SH3RF1: variants seen among roughly 807,000 people sequenced by gnomAD.
The protein encoded by SH3RF1 is E3 ubiquitin-protein ligase SH3RF1.
SH3RF1 carries 32 observed loss-of-function variants against 74.0 expected under a neutral mutation model. That is an observed-to-expected ratio of 0.43 (90% CI 0.33 to 0.58). SH3RF1 has a LOEUF of 0.58. Among genes scored for constraint, SH3RF1 ranks in the 20% least tolerant of loss-of-function variants. The pLI, the probability that SH3RF1 is intolerant of heterozygous loss-of-function variation, is 0.05. For synonymous variants in SH3RF1, 396 were observed against 439.6 expected (o/e 0.90, Z 1.24); for missense variants, 954 against 1,130.9 (o/e 0.84, Z 2.24).
intron 2 of SH3RF1, among the ~76,000 whole-genome samples, chr4:169,246,920 C>T (rs956099396): frequency 2.0e-5 from 3 of 152,206 alleles, no homozygotes; most frequent in Admixed American, 6.5e-5. Context: ...AATCTCATAG[C>T]TCTTCATCTA....
intron 2 of SH3RF1, among the ~76,000 whole-genome samples, chr4:169,198,689 AAAAAG>A (rs1411982392): frequency 3.3e-5 from 5 of 152,178 alleles, no homozygotes; most frequent in Admixed American, 3.3e-4. Flanking sequence ...GAGAATAAAT[AAAAAG>A]AAATTACACC....
intron 11 of SH3RF1, 22 bp from the exon 12 acceptor site, chr4:169,096,709 G>A (rs1471172): frequency 0.63 from 1,009,576 of 1,596,632 alleles, 326,070 homozygotes; most frequent in Admixed American, 0.66. Flanking sequence ...AGAGATTTTG[G>A]TTAAGGCGAT....
chr4:169,245,505 G>A (rs1374133538), intron 2 of SH3RF1, among the ~76,000 whole-genome samples: 1 of 152,096 alleles, frequency 6.6e-6, no homozygotes, highest in African/African-American at 2.4e-5. Context: ...ATAAGCTTAT[G>A]TCCTTATACC....
chr4:169,125,132 T>C (rs913432750), intron 6 of SH3RF1, among the ~76,000 whole-genome samples: 3 of 152,220 alleles, frequency 2.0e-5, no homozygotes, highest in Admixed American at 1.3e-4. Flanking sequence ...CCAGGTTCTC[T>C]TCTCCTGACC....
intron 11 of SH3RF1, among the ~76,000 whole-genome samples, chr4:169,103,097 T>C (rs1391134047): frequency 1.4e-5 from 2 of 142,714 alleles, no homozygotes; most frequent in African/African-American, 5.2e-5. Flanking sequence ...TTTTTTTTTT[T>C]TTTTTTTTTT....
At chr4:169,144,201 T>TC (rs1733833865) in intron 4 of SH3RF1, among the ~76,000 whole-genome samples, 1 of 152,232 alleles carries the variant, frequency 6.6e-6, no homozygotes. Flanking sequence ...TTCTTACTAT[T>TC]CAGAGTCCCA....
intron 2 of SH3RF1, among the ~76,000 whole-genome samples, chr4:169,250,392 G>A (rs1269055019): frequency 6.6e-6 from 1 of 151,672 alleles, no homozygotes; most frequent in Non-Finnish European, 1.5e-5. Flanking sequence ...AATACAAAGT[G>A]AATTGCCAAA....
At chr4:169,218,801 C>T (rs1730517064) in intron 2 of SH3RF1, among the ~76,000 whole-genome samples, 2 of 151,998 alleles carry the variant, frequency 1.3e-5, no homozygotes, top group African/African-American at 4.8e-5. Flanking sequence ...CATGAATTAA[C>T]TGATTCATTA....
intron 2 of SH3RF1, among the ~76,000 whole-genome samples, chr4:169,213,064 C>A (rs1481093787): frequency 6.6e-6 from 1 of 152,194 alleles, no homozygotes; most frequent in Non-Finnish European, 1.5e-5. Context: ...AAGCAATGCA[C>A]TAGATCATAT....
chr4:169,125,501 T>G (rs1733511340), intron 6 of SH3RF1, among the ~76,000 whole-genome samples: 1 of 152,190 alleles, frequency 6.6e-6, no homozygotes, highest in Non-Finnish European at 1.5e-5. Flanking sequence ...CGTCTCAAAC[T>G]TGGGCCAAGG....
intron 2 of SH3RF1, among the ~76,000 whole-genome samples, chr4:169,170,334 CCTGAGA>C (rs1164992736): frequency 9.9e-5 from 15 of 152,168 alleles, no homozygotes; most frequent in African/African-American, 3.6e-4. Context: ...CATGCGTGCA[CCTGAGA>C]CTACTTTTGT....
At chr4:169,188,133 G>C (rs1734639281) in intron 2 of SH3RF1, among the ~76,000 whole-genome samples, 1 of 151,946 alleles carries the variant, frequency 6.6e-6, no homozygotes, top group Admixed American at 6.6e-5. Flanking sequence ...CTTGATTTCA[G>C]ACTTCCAGCC....
In SH3RF1 at chr4:169,117,682, C is replaced by T; in HGVS notation, c.1618G>A (p.Ala540Thr). 1 of 1,614,206 alleles carries T rather than the reference C, an allele frequency of 6.2e-7. No homozygotes were observed. Residue 540 changes from alanine (A) to threonine (T), a missense_variant, in exon 9 of 12, where the codon GCC becomes ACC. Ala to Thr is a moderately conservative substitution (Grantham distance 58). Coordinates refer to ENST00000284637, the MANE Select transcript of SH3RF1 (RefSeq NM_020870.4). ...ACGCCATTTCCCTGGAGCTTCTGGG[C>T]AGGCCCTCCTGCCGTGGAAGGACTG... ...MVSPSTAGGP[A>T]QKLQGNGVAG...
Position 169,117,574 on chromosome 4 carries a change from G to C in SH3RF1, c.1726C>G (p.His576Asp), listed in dbSNP as rs961879993. ...TTGACTGTCATTTGCCCCGTCATGTGCAACAAGACCTTAGCCTGAGGACTT... is the reference window on the plus strand; with the variant it reads ...TTGACTGTCATTTGCCCCGTCATGTCCAACAAGACCTTAGCCTGAGGACTT... The part of the protein sequence containing the change: ...QTSPQAKVLL[H>D]MTGQMTVNQA... The change falls in exon 9 of 12, where the codon CAC becomes GAC. Residue 576 changes from histidine to aspartate, a missense_variant. By Grantham distance (81) the His-to-Asp change is moderately conservative. This residue lies in a region of SH3RF1 where 854 missense variants were observed against 962.5 expected (regional missense o/e 0.89). Transcript: ENST00000284637. 1 of 1,614,218 alleles carries C rather than the reference G, an allele frequency of 6.2e-7. No homozygotes were observed. Among genetic ancestry groups the C allele is most frequent in the Non-Finnish European group, 8.5e-7 (1 of 1,180,042 alleles).
chr4:169,238,524 G>A (rs556623263), intron 2 of SH3RF1, among the ~76,000 whole-genome samples: 1 of 152,260 alleles, frequency 6.6e-6, no homozygotes, highest in East Asian at 1.9e-4. Context: ...AGGTAGGCAG[G>A]GCTGAGAATT....
intron 2 of SH3RF1, among the ~76,000 whole-genome samples, chr4:169,165,590 C>T (rs1734223205): frequency 6.6e-6 from 1 of 151,602 alleles, no homozygotes; most frequent in Non-Finnish European, 1.5e-5. Context: ...TGCCACTGCA[C>T]TCCAGCCTAG....
intron 2 of SH3RF1, among the ~76,000 whole-genome samples, chr4:169,216,119 G>A (rs1730458354): frequency 1.3e-5 from 2 of 152,052 alleles, no homozygotes; most frequent in African/African-American, 4.8e-5. Context: ...GTCAGGTAAT[G>A]TAGTATCTGT....
In SH3RF1 at chr4:169,105,944, C is replaced by T. The variant is rs961221376; in HGVS notation, c.2498+903G>A. Among the ~76,000 whole-genome samples, 13 of 151,892 alleles carry T rather than the reference C, an allele frequency of 8.6e-5. No homozygotes were observed. The South Asian group carries it at 1.0e-3, about 12-fold the overall frequency. On this transcript the variant is annotated intron_variant, in intron 11 of 11. Transcript: ENST00000284637. ...TTCTCTAATTCAAGCTTGTCCAACC[C>T]GTGGGCATGCAGTGCAACACAAAAT...
At chr4:169,228,655 T>A (rs988203067) in intron 2 of SH3RF1, among the ~76,000 whole-genome samples, 1 of 152,102 alleles carries the variant, frequency 6.6e-6, no homozygotes, top group South Asian at 2.1e-4. Context: ...CTCTTTGCCA[T>A]GTAATAACAC....
Sources: allele counts gnomAD v4.1 joint callset (sites outside exome capture counted in the v4.1 genomes callset), GRCh38; gene constraint gnomAD v4.1.1; regional missense constraint gnomAD v4.1.1; transcripts MANE v1.5; gene names NCBI Gene and HGNC (gene_info 2026-07-23, HGNC 2026-07-21).